The following AGBL1 variants were observed in gnomAD, a reference collection of about 807,000 sequenced individuals.
The protein encoded by AGBL1 is cytosolic carboxypeptidase 4.
In AGBL1, 130 loss-of-function variants were observed where a neutral mutation model predicts 118.9. That is an observed-to-expected ratio of 1.09 (90% CI 0.95 to 1.26). AGBL1 has a LOEUF of 1.26. Among genes scored for constraint, AGBL1 ranks in the 50% most tolerant of loss-of-function variants. AGBL1 has a pLI of 0.00. For synonymous variants in AGBL1, 555 were observed against 478.9 expected (o/e 1.16, Z -2.08); for missense variants, 1,584 against 1,298.1 (o/e 1.22, Z -3.38).
chr15:86,490,981 T>C, intron 18 of AGBL1, among the ~76,000 whole-genome samples: 1 of 152,166 alleles, frequency 6.6e-6, no homozygotes, highest in East Asian at 1.9e-4. Context: ...TGACAGAATT[T>C]TATTGAGCAT....
intron 24 of AGBL1, among the ~76,000 whole-genome samples, chr15:87,004,224 C>G (rs1169577795): frequency 6.6e-6 from 1 of 152,084 alleles, no homozygotes; most frequent in African/African-American, 2.4e-5. Flanking sequence ...TCGTTATATA[C>G]CCAGTAGTCA....
chr15:86,464,146 G>T (rs184583136), intron 18 of AGBL1, among the ~76,000 whole-genome samples: 1 of 152,004 alleles, frequency 6.6e-6, no homozygotes, highest in Non-Finnish European at 1.5e-5. Context: ...CCAGAAAGAC[G>T]GTCTTCGTGT....
At chr15:86,718,578 A>G (rs941503828) in intron 22 of AGBL1, among the ~76,000 whole-genome samples, 1 of 152,156 alleles carries the variant, frequency 6.6e-6, no homozygotes, top group Non-Finnish European at 1.5e-5. Flanking sequence ...GCAAGCAATC[A>G]ATGCAGCTTA....
At chr15:86,274,577 A>T (rs1387795193) in intron 15 of AGBL1, among the ~76,000 whole-genome samples, 1 of 152,182 alleles carries the variant, frequency 6.6e-6, no homozygotes, top group Non-Finnish European at 1.5e-5. Flanking sequence ...AAAGGAGGGG[A>T]GCTAGCTGTT....
chr15:86,254,290 A>C (rs968386742), intron 7 of AGBL1, among the ~76,000 whole-genome samples: 1 of 152,320 alleles, frequency 6.6e-6, no homozygotes, highest in African/African-American at 2.4e-5. Flanking sequence ...TAATTCACAC[A>C]CAACATTAGG....
At chr15:86,662,877 C>A (rs1359805723) in intron 21 of AGBL1, among the ~76,000 whole-genome samples, 7 of 152,152 alleles carry the variant, frequency 4.6e-5, no homozygotes, top group East Asian at 1.9e-4. Flanking sequence ...ACTCTCCTGG[C>A]AGACACCATA....
chr15:86,954,971 A>G (rs1202541264), intron 23 of AGBL1, among the ~76,000 whole-genome samples: 1 of 152,112 alleles, frequency 6.6e-6, no homozygotes, highest in East Asian at 1.9e-4. Context: ...TATATCTTTA[A>G]CTTGTAAGAG....
intron 22 of AGBL1, among the ~76,000 whole-genome samples, chr15:86,871,018 C>G (rs748765008): frequency 6.6e-6 from 1 of 152,186 alleles, no homozygotes; most frequent in Non-Finnish European, 1.5e-5. Context: ...TAACTCTTAT[C>G]TGTCGCTCAC....
intron 18 of AGBL1, among the ~76,000 whole-genome samples, chr15:86,469,678 C>A (rs1009710530): frequency 6.6e-6 from 1 of 152,174 alleles, no homozygotes; most frequent in East Asian, 1.9e-4. Flanking sequence ...ATGCCGGTAC[C>A]AATTTGCTTG....
At chr15:86,186,072 A>C (rs2077628122) in intron 5 of AGBL1, among the ~76,000 whole-genome samples, 1 of 152,180 alleles carries the variant, frequency 6.6e-6, no homozygotes, top group Admixed American at 6.5e-5. Context: ...TGAACAATTG[A>C]ATTCATTCAA....
At chr15:86,206,180 A>G (rs1165436556) in intron 5 of AGBL1, among the ~76,000 whole-genome samples, 2 of 152,178 alleles carry the variant, frequency 1.3e-5, no homozygotes, top group Non-Finnish European at 2.9e-5. Flanking sequence ...TCCATAGTGT[A>G]TATTTGCCAC....
chr15:86,451,537 T>C (rs1412690528), intron 18 of AGBL1, among the ~76,000 whole-genome samples: 13 of 152,214 alleles, frequency 8.5e-5, no homozygotes, highest in African/African-American at 3.1e-4. Flanking sequence ...TTTGGCCAAA[T>C]AGGGCTTGGA....
rs1444647563 is a variant in AGBL1, at chr15:86,262,841, G to A, written c.1033G>A (p.Glu345Lys). ...CAAACCTGGTCTTGACCGACCTGAA[G>A]AGGAACTGATGCAATATGAGGTGAT... is the stretch of plus-strand genomic sequence containing the variant. ...SSKPGLDRPE[E>K]ELMQYEVMCL... Residue 345 changes from glutamate (E) to lysine (K), a missense_variant, in exon 10 of 23, where the codon GAG becomes AAG. Physicochemically the swap from Glu to Lys is moderately conservative, Grantham distance 56. Transcript: ENST00000614907. The A allele has an allele frequency of 6.2e-7, 1 of 1,611,472 alleles. No individual in the cohort carries two copies. Among genetic ancestry groups the A allele is most frequent in the East Asian group, 2.2e-5 (1 of 44,864 alleles).
chr15:86,959,717 TCTC>T (rs764134379), intron 23 of AGBL1, among the ~76,000 whole-genome samples: 15 of 152,100 alleles, frequency 9.9e-5, no homozygotes, highest in Non-Finnish European at 2.1e-4. Context: ...CTTCTTTTTC[TCTC>T]CTCAACACAT....
chr15:86,205,992 C>T (rs1032544999), intron 5 of AGBL1, among the ~76,000 whole-genome samples: 4 of 152,166 alleles, frequency 2.6e-5, no homozygotes, highest in South Asian at 2.1e-4. Flanking sequence ...CGCTACCCCA[C>T]GACAGTCCTC....
intron 23 of AGBL1, among the ~76,000 whole-genome samples, chr15:86,931,548 A>G (rs2080604118): frequency 6.9e-6 from 1 of 145,440 alleles, no homozygotes; most frequent in African/African-American, 2.5e-5. Context: ...TACAGCAACA[A>G]AATGAATAGT....
At chr15:86,378,541 G>C (rs1456781365) in intron 17 of AGBL1, among the ~76,000 whole-genome samples, 1 of 152,140 alleles carries the variant, frequency 6.6e-6, no homozygotes, top group Non-Finnish European at 1.5e-5. Flanking sequence ...AGTAGCTTCA[G>C]CTTCCAACTG....
chr15:86,836,713 A>G (rs1276262249), intron 22 of AGBL1, among the ~76,000 whole-genome samples: 4 of 151,808 alleles, frequency 2.6e-5, no homozygotes, highest in African/African-American at 7.3e-5. Flanking sequence ...CACCTTCACC[A>G]CATGTTCCAG....
intron 22 of AGBL1, among the ~76,000 whole-genome samples, chr15:86,799,657 G>A (rs2078622334): frequency 6.6e-6 from 1 of 152,026 alleles, no homozygotes. Context: ...AATTGAATAA[G>A]TAATTTGAAT....
Sources: gnomAD v4.1 joint callset for allele counts (sites outside exome capture counted in the v4.1 genomes callset) on GRCh38, gnomAD v4.1.1 for gene constraint, MANE v1.5 for transcripts, NCBI Gene and HGNC (gene_info 2026-07-23, HGNC 2026-07-21) for gene names.